Variants in JPH3 observed in about 807,000 individuals in gnomAD.
JPH3 encodes junctophilin-3.
In JPH3, 11 loss-of-function variants were observed where a neutral mutation model predicts 59.6. That is an observed-to-expected ratio of 0.18 (90% CI 0.12 to 0.31). The LOEUF (loss-of-function observed/expected upper bound fraction) is 0.31. JPH3 is among the 10% of genes least tolerant of loss of function. The pLI is 1.00. For synonymous variants in JPH3, 673 were observed against 483.6 expected (o/e 1.39, Z -5.14); for missense variants, 1,202 against 1,105.7 (o/e 1.09, Z -1.24).
At chr16:87,632,082 G>A (rs1327946695) in intron 1 of JPH3, among the ~76,000 whole-genome samples, 2 of 152,130 alleles carry the variant, frequency 1.3e-5, no homozygotes, top group Non-Finnish European at 2.9e-5. Context: ...ATTAAAGTGA[G>A]GTACGAAAAA....
At chr16:87,653,936 T>G (rs1403253587) in intron 2 of JPH3, 2 of 152,294 alleles carry the variant, frequency 1.3e-5, no homozygotes, top group African/African-American at 2.4e-5. Flanking sequence ...GGCAGCCAGC[T>G]GCCCATCTTT....
chr16:87,683,790 GAGAC>G (rs2033351470), intron 2 of JPH3, among the ~76,000 whole-genome samples: 1 of 151,846 alleles, frequency 6.6e-6, no homozygotes, highest in African/African-American at 2.4e-5. Flanking sequence ...ATTTTTGGCA[GAGAC>G]AGGCTTTTGC....
chr16:87,658,412 CCCTCTCTTTT>C (rs1455075742), intron 2 of JPH3, among the ~76,000 whole-genome samples: 1 of 141,094 alleles, frequency 7.1e-6, no homozygotes, highest in East Asian at 1.9e-4. Context: ...CTCTGTCCCT[CCCTCTCTTTT>C]CCTCTCTATC....
At chr16:87,686,300 G>C (rs1052155572) in intron 3 of JPH3, among the ~76,000 whole-genome samples, 17 of 149,480 alleles carry the variant, frequency 1.1e-4, no homozygotes, top group African/African-American at 3.7e-4. Context: ...TGGAGTCAGA[G>C]GAGATGCTTC....
At chr16:87,613,177 A>C (rs1039763349) in intron 1 of JPH3, among the ~76,000 whole-genome samples, 1 of 145,042 alleles carries the variant, frequency 6.9e-6, no homozygotes, top group African/African-American at 2.6e-5. Flanking sequence ...GCTCACTGCA[A>C]GCTCCGCCTG....
chr16:87,663,393 C>T (rs2032765754), intron 2 of JPH3, among the ~76,000 whole-genome samples: 1 of 152,064 alleles, frequency 6.6e-6, no homozygotes, highest in Non-Finnish European at 1.5e-5. Context: ...TAGGCATGTG[C>T]CACTGTGCCT....
chr16:87,688,283 G>GGGCCAT (rs1185040209), intron 3 of JPH3, among the ~76,000 whole-genome samples: 16 of 152,308 alleles, frequency 1.1e-4, no homozygotes, highest in African/African-American at 2.9e-4. Context: ...CCCCAGGCCA[G>GGGCCAT]GGCCATGGCC....
chr16:87,678,605 G>C (rs978782405), intron 2 of JPH3, among the ~76,000 whole-genome samples: 1 of 152,256 alleles, frequency 6.6e-6, no homozygotes, highest in African/African-American at 2.4e-5. Flanking sequence ...CACACTCTCT[G>C]TAGTGGGCTG....
At chr16:87,649,843 G>A (rs1393207223) in intron 2 of JPH3, among the ~76,000 whole-genome samples, 3 of 152,170 alleles carry the variant, frequency 2.0e-5, no homozygotes, top group Non-Finnish European at 4.4e-5. Flanking sequence ...GAGAGACGGG[G>A]TGGCCCATGT....
chr16:87,682,035 C>T (rs149907435), intron 2 of JPH3, among the ~76,000 whole-genome samples: 3 of 152,148 alleles, frequency 2.0e-5, no homozygotes, highest in Non-Finnish European at 2.9e-5. Flanking sequence ...AGGAGATGCA[C>T]GGACCACCCA....
chr16:87,645,139 G>A (rs181546407), intron 2 of JPH3, 104 bp downstream of exon 2: 6 of 1,185,358 alleles, frequency 5.1e-6, no homozygotes, highest in Non-Finnish European at 7.0e-6. Flanking sequence ...GCTAGGCCCA[G>A]TTTGAGGCCT....
chr16:87,628,722 C>G (rs901188074), intron 1 of JPH3, among the ~76,000 whole-genome samples: 1 of 152,140 alleles, frequency 6.6e-6, no homozygotes, highest in Non-Finnish European at 1.5e-5. Context: ...TAGCGTGGCC[C>G]GGATGTGTGG....
intron 1 of JPH3, among the ~76,000 whole-genome samples, chr16:87,643,573 G>A (rs1374379776): frequency 6.6e-6 from 1 of 152,224 alleles, no homozygotes; most frequent in African/African-American, 2.4e-5. Flanking sequence ...GCCCACACCT[G>A]TGTCCCTGTA....
intron 3 of JPH3, chr16:87,684,482 GTC>G: frequency 1.5e-6 from 1 of 662,032 alleles, no homozygotes. Context: ...GTCTTGGCAG[GTC>G]TCTCCCATTC....
intron 1 of JPH3, among the ~76,000 whole-genome samples, chr16:87,618,978 A>T (rs967743844): frequency 1.3e-5 from 2 of 151,750 alleles, no homozygotes; most frequent in African/African-American, 4.8e-5. Context: ...AATCCCAGCT[A>T]CTCGGAAGCT....
chr16:87,610,594 A>C (rs2150822147), intron 1 of JPH3, among the ~76,000 whole-genome samples: 1 of 152,284 alleles, frequency 6.6e-6, no homozygotes, highest in African/African-American at 2.4e-5. Flanking sequence ...GCAAGACCTT[A>C]GAATTGGACG....
chr16:87,602,480 C>CG (rs1352716095), upstream of JPH3, among the ~76,000 whole-genome samples: 4 of 117,700 alleles, frequency 3.4e-5, no homozygotes, highest in Admixed American at 7.8e-5. Flanking sequence ...CGCGGGCGGG[C>CG]GGGGTGCGGG....
intron 3 of JPH3, among the ~76,000 whole-genome samples, chr16:87,687,550 C>G (rs1380444988): frequency 6.6e-6 from 1 of 152,246 alleles, no homozygotes; most frequent in Middle Eastern, 3.2e-3. Context: ...CAGGCCACTT[C>G]CGGTGCCATC....
rs762909625 is a variant in JPH3, at chr16:87,644,870, C to T, written c.995C>T (p.Thr332Ile). The change falls in exon 2 of 5, where the codon ACC (threonine) becomes ATC (isoleucine). Residue 332 changes from threonine to isoleucine, a missense_variant. Coordinates refer to ENST00000284262, the MANE Select transcript of JPH3 (RefSeq NM_020655.4). ...GYGCMTFPDGTKEEGKYKQNI... is the reference protein window; with the variant it reads ...GYGCMTFPDGIKEEGKYKQNI... ...GGCTGCATGACCTTCCCGGACGGCA[C>T]CAAGGAGGAGGGCAAGTACAAGCAG... is the stretch of plus-strand genomic sequence containing the variant. 1 of 1,613,282 alleles carries T rather than the reference C, an allele frequency of 6.2e-7. No individual in the cohort carries two copies. The highest frequency in any genetic ancestry group is 1.3e-5 in the African/African-American group (1 of 74,860).
Sources: gnomAD v4.1 joint callset for allele counts (sites outside exome capture counted in the v4.1 genomes callset) on GRCh38, gnomAD v4.1.1 for gene constraint, MANE v1.5 for transcripts, NCBI Gene and HGNC (gene_info 2026-07-23, HGNC 2026-07-21) for gene names.